The following MEIS1 variants were observed in gnomAD, a reference collection of about 807,000 sequenced individuals.
MEIS1 encodes the protein Meis homeobox 1, also known as homeobox protein Meis1.
In MEIS1, 5 loss-of-function variants were observed where a neutral mutation model predicts 50.8. That is an observed-to-expected ratio of 0.10 (90% CI 0.05 to 0.21). The LOEUF (loss-of-function observed/expected upper bound fraction) is 0.21, where lower values mean the gene tolerates loss of function less well. Ranked by LOEUF, MEIS1 falls within the 10% of genes least tolerant of loss-of-function variation. The pLI is 1.00. For synonymous variants in MEIS1, 176 were observed against 179.3 expected (o/e 0.98, Z 0.15); for missense variants, 318 against 517.3 (o/e 0.61, Z 3.74).
intron 6 of MEIS1, among the ~76,000 whole-genome samples, chr2:66,456,235 T>TAC (rs3220293): frequency 0.13 from 19,052 of 147,554 alleles, 1,499 homozygotes; most frequent in South Asian, 0.26. Context: ...ATGATTTTTA[T>TAC]ACACACACAC....
chr2:66,471,145 A>G (rs1672752176), intron 7 of MEIS1, among the ~76,000 whole-genome samples: 1 of 152,164 alleles, frequency 6.6e-6, no homozygotes, highest in African/African-American at 2.4e-5. Flanking sequence ...CTTGTCTTTG[A>G]TTGACCTTTA....
At chr2:66,445,043 C>T (rs541712630) in intron 6 of MEIS1, 1 of 152,306 alleles carries the variant, frequency 6.6e-6, no homozygotes, top group Non-Finnish European at 1.5e-5. Context: ...CCCCCTTCTC[C>T]TTCCCTAAAC....
chr2:66,567,375 C>A, intron 9 of MEIS1, 78 bp from the exon 10 acceptor site: 1 of 1,450,166 alleles, frequency 6.9e-7, no homozygotes, highest in Non-Finnish European at 9.5e-7. Context: ...ACTCCAACTG[C>A]GATTCATCTT....
In MEIS1 at chr2:66,532,407, G is replaced by GA. The variant is rs373965354; in HGVS notation, c.889-15526dup. Among the ~76,000 whole-genome samples the GA allele has an allele frequency of 1.5e-3, 225 of 147,832 alleles. 1 individual carries two copies. The highest frequency in any genetic ancestry group is 5.0e-3 in the African/African-American group (200 of 40,306). Reference sequence around the variant, plus strand: ...TTTACTGAACATGTATCCTTTCAGAGAAAAAAAAAACACAAAAGCATGGAA... The same window carrying GA: ...TTTACTGAACATGTATCCTTTCAGAGAAAAAAAAAAACACAAAAGCATGGAA... On this transcript the variant is annotated intron_variant, in intron 8 of 12. Transcript: ENST00000272369.
At chr2:66,543,451 G>T (rs920436658) in intron 8 of MEIS1, among the ~76,000 whole-genome samples, 1 of 152,132 alleles carries the variant, frequency 6.6e-6, no homozygotes, top group African/African-American at 2.4e-5. Flanking sequence ...TTTCGCTGGG[G>T]TTCCACTGCC....
intron 9 of MEIS1, among the ~76,000 whole-genome samples, chr2:66,560,953 T>A (rs1558564587): frequency 6.6e-6 from 1 of 152,186 alleles, no homozygotes; most frequent in Non-Finnish European, 1.5e-5. Flanking sequence ...TTTCATAAGG[T>A]TTGACTTGAG....
At chr2:66,539,534 C>T (rs978901417) in intron 8 of MEIS1, among the ~76,000 whole-genome samples, 1 of 152,164 alleles carries the variant, frequency 6.6e-6, no homozygotes, top group Non-Finnish European at 1.5e-5. Context: ...CTACTACTTA[C>T]CAGCTGTGTG....
At chr2:66,518,433 T>G (rs1194975318) in intron 8 of MEIS1, among the ~76,000 whole-genome samples, 2 of 152,176 alleles carry the variant, frequency 1.3e-5, no homozygotes, top group Non-Finnish European at 2.9e-5. Context: ...GATAGTTTGG[T>G]TTTCTGATAT....
intron 7 of MEIS1, among the ~76,000 whole-genome samples, chr2:66,479,851 C>T (rs1046460986): frequency 6.6e-6 from 1 of 152,138 alleles, no homozygotes; most frequent in Non-Finnish European, 1.5e-5. Context: ...CAGTAAGGCT[C>T]GGTAACCTGC....
intron 9 of MEIS1, among the ~76,000 whole-genome samples, chr2:66,558,260 C>T (rs1406580734): frequency 2.0e-5 from 1 of 50,708 alleles, no homozygotes; most frequent in South Asian, 6.5e-4. Flanking sequence ...GCATGGGCAA[C>T]AAGAGTGAAA....
intron 7 of MEIS1, among the ~76,000 whole-genome samples, chr2:66,482,645 C>T (rs1287173112): frequency 2.0e-5 from 3 of 152,196 alleles, no homozygotes; most frequent in South Asian, 2.1e-4. Context: ...CACGGAGACC[C>T]TTCTGTATAG....
chr2:66,461,237 G>T (rs1040139530), intron 6 of MEIS1, among the ~76,000 whole-genome samples: 7 of 152,062 alleles, frequency 4.6e-5, no homozygotes, highest in Non-Finnish European at 1.0e-4. Flanking sequence ...ATGTTGTTTG[G>T]TGTAACCGCA....
chr2:66,497,692 C>G (rs533123012), intron 7 of MEIS1, among the ~76,000 whole-genome samples: 1 of 151,986 alleles, frequency 6.6e-6, no homozygotes, highest in Admixed American at 6.6e-5. Context: ...CTTAGGACTT[C>G]GAGAGCAGCC....
chr2:66,567,121 T>C (rs1186416399), intron 9 of MEIS1, among the ~76,000 whole-genome samples: 1 of 152,178 alleles, frequency 6.6e-6, no homozygotes, highest in Non-Finnish European at 1.5e-5. Context: ...ACACCAATTT[T>C]CTCTCTTTGC....
intron 7 of MEIS1, among the ~76,000 whole-genome samples, chr2:66,500,124 A>G (rs1229340387): frequency 1.3e-5 from 2 of 152,222 alleles, no homozygotes; most frequent in Non-Finnish European, 2.9e-5. Context: ...AATTAAATGT[A>G]ACTGTTCTTC....
chr2:66,440,047 A>G, intron 3 of MEIS1, 63 bp downstream of exon 3: 1 of 1,246,200 alleles, frequency 8.0e-7, no homozygotes, highest in Non-Finnish European at 1.1e-6. Context: ...TCGCCAACAC[A>G]CACGCGCGCG....
intron 7 of MEIS1, among the ~76,000 whole-genome samples, chr2:66,465,725 T>A (rs188391691): frequency 1.0e-3 from 152 of 152,346 alleles, no homozygotes; most frequent in Admixed American, 1.8e-3. Flanking sequence ...AGCTGCTGCA[T>A]TGAAGGCTTG....
At chr2:66,555,080 A>G (rs1675021418) in intron 9 of MEIS1, among the ~76,000 whole-genome samples, 1 of 152,194 alleles carries the variant, frequency 6.6e-6, no homozygotes, top group Non-Finnish European at 1.5e-5. Context: ...TTTCTCCAGT[A>G]ATTTTGAACA....
At chr2:66,564,957 G>C (rs1675310390) in intron 9 of MEIS1, among the ~76,000 whole-genome samples, 1 of 151,770 alleles carries the variant, frequency 6.6e-6, no homozygotes, top group African/African-American at 2.4e-5. Context: ...TTTTGATCTA[G>C]TAAGGCAGAA....
Sources: gnomAD v4.1 joint callset for allele counts (sites outside exome capture counted in the v4.1 genomes callset) on GRCh38, gnomAD v4.1.1 for gene constraint, MANE v1.5 for transcripts, NCBI Gene and HGNC (gene_info 2026-07-23, HGNC 2026-07-21) for gene names.